The following HMCN1 variants were observed in gnomAD, a reference collection of about 807,000 sequenced individuals.
The protein encoded by HMCN1 is hemicentin-1.
HMCN1 carries 321 observed loss-of-function variants against 625.9 expected under a neutral mutation model. That is an observed-to-expected ratio of 0.51 (90% CI 0.47 to 0.56). The LOEUF is 0.56. Ranked by LOEUF, HMCN1 falls within the 20% of genes least tolerant of loss-of-function variation. HMCN1 has a pLI of 0.00. For synonymous variants in HMCN1, 2,425 were observed against 2,417.6 expected (o/e 1.00, Z -0.09); for missense variants, 6,588 against 6,887.3 (o/e 0.96, Z 1.54).
At chr1:186,113,864 GT>G (rs1558233282) in intron 72 of HMCN1, 114 bp from the exon 73 acceptor site, 2 of 1,137,436 alleles carry the variant, frequency 1.8e-6, no homozygotes, top group African/African-American at 3.1e-5. Flanking sequence ...CTAGATTCTT[GT>G]AGACAAAGCT....
At chr1:186,102,344 G>C (rs1180077099) in intron 68 of HMCN1, among the ~76,000 whole-genome samples, 1 of 152,106 alleles carries the variant, frequency 6.6e-6, no homozygotes, top group Non-Finnish European at 1.5e-5. Context: ...TCTTTCTCCA[G>C]AAGGAAAACA....
rs1571394689 is a variant in HMCN1, at chr1:186,130,392, T to A, written c.13040-115T>A. On this transcript the variant is annotated intron_variant, in intron 84 of 106. Transcript: ENST00000271588. Reference sequence around the variant, plus strand: ...GTTGATTCTGGAAATTTCATGAGTCTTTAAGGTGGCTTTACTCCCCTCTTT... The same window carrying A: ...GTTGATTCTGGAAATTTCATGAGTCATTAAGGTGGCTTTACTCCCCTCTTT... 12 of 1,095,350 alleles carry A rather than the reference T, an allele frequency of 1.1e-5. No individual in the cohort carries two copies. The East Asian group carries it at 3.0e-4, about 27-fold the overall frequency. The allele number at this position is 1,095,350 out of a possible 1,614,324, so 67.9% of individuals were successfully genotyped here. A position where few individuals can be genotyped will look rare whatever the true frequency, so the allele number is the denominator to read the frequency against.
chr1:185,938,820 A>G (rs977777843), intron 11 of HMCN1, among the ~76,000 whole-genome samples: 2 of 152,194 alleles, frequency 1.3e-5, no homozygotes, highest in Admixed American at 6.5e-5. Flanking sequence ...AATTTTCCCA[A>G]TGAATTCCTT....
chr1:186,130,377 G>T (rs1174156596), intron 84 of HMCN1, 130 bp from the exon 85 acceptor site: 2 of 987,894 alleles, frequency 2.0e-6, no homozygotes, highest in Admixed American at 2.2e-5. Context: ...GTTGATTCTG[G>T]AAATTTCATG....
intron 32 of HMCN1, among the ~76,000 whole-genome samples, chr1:186,016,512 A>G (rs1260965095): frequency 6.6e-6 from 1 of 152,074 alleles, no homozygotes; most frequent in Non-Finnish European, 1.5e-5. Context: ...TCTAATCGCA[A>G]TGAGCAACAA....
Position 186,166,308 on chromosome 1 carries a change from T to C in HMCN1, c.15439+5T>C, listed in dbSNP as rs1383686383. On this transcript the variant is annotated splice_donor_5th_base_variant and intron_variant, in intron 99 of 106. Transcript: ENST00000271588. ...CAGATGGAAGAACTTGTCAAGGTATTCACAAATCTAATACACACATTTAAG... is the reference window on the plus strand; with the variant it reads ...CAGATGGAAGAACTTGTCAAGGTATCCACAAATCTAATACACACATTTAAG... 4 of 1,613,952 alleles carry C rather than the reference T, an allele frequency of 2.5e-6. No individual in the cohort carries two copies. Among genetic ancestry groups the C allele is most frequent in the Non-Finnish European group, 3.4e-6 (4 of 1,179,992 alleles).
chr1:185,814,558 AT>A (rs2102253331), intron 1 of HMCN1, among the ~76,000 whole-genome samples: 1 of 152,208 alleles, frequency 6.6e-6, no homozygotes, highest in Non-Finnish European at 1.5e-5. Flanking sequence ...GTTTGGTGAT[AT>A]TTAGTCAGTT....
At chr1:186,160,576 C>G (rs372508797) in intron 97 of HMCN1, among the ~76,000 whole-genome samples, 4,743 of 150,840 alleles carry the variant, frequency 0.031, 109 homozygotes, top group South Asian at 0.061. Flanking sequence ...AAATTTCCCT[C>G]TACACACTGC....
At chr1:185,780,455 G>A (rs1218210315) in intron 1 of HMCN1, among the ~76,000 whole-genome samples, 1 of 152,098 alleles carries the variant, frequency 6.6e-6, no homozygotes, top group Non-Finnish European at 1.5e-5. Flanking sequence ...TCCAGTTTTT[G>A]CCCATTCAGT....
At position 186,119,813 on chromosome 1, in the gene HMCN1, T is replaced by C. The variant is rs755943844; in HGVS notation, c.12025T>C (p.Cys4009Arg). ...TCTGAACAATCCTATTTTATTACCA[T>C]GTGAAGCAACAGGGACACCCAGTCC... ...VILNNPILLP[C>R]EATGTPSPFI... is the part of the protein sequence containing the mutation. Residue 4009 changes from cysteine to arginine, a missense_variant, in exon 79 of 107, where the codon TGT becomes CGT. Cys to Arg is a radical substitution (Grantham distance 180). This residue lies in a region of HMCN1 where 4,628 missense variants were observed against 4,853.1 expected (regional missense o/e 0.95). Coordinates refer to ENST00000271588, the MANE Select transcript of HMCN1 (RefSeq NM_031935.3). The C allele has an allele frequency of 6.2e-7, 1 of 1,614,116 alleles. No homozygotes were observed. Among genetic ancestry groups the C allele is most frequent in the Non-Finnish European group, 8.5e-7 (1 of 1,179,972 alleles).
intron 57 of HMCN1, among the ~76,000 whole-genome samples, chr1:186,083,290 A>C (rs1271386764): frequency 6.6e-6 from 1 of 152,100 alleles, no homozygotes; most frequent in Non-Finnish European, 1.5e-5. Flanking sequence ...ACTCATAAAA[A>C]TCTATCCACT....
intron 103 of HMCN1, chr1:186,177,370 G>A: frequency 6.6e-6 from 1 of 151,808 alleles, no homozygotes; most frequent in East Asian, 1.9e-4. Flanking sequence ...TTCAGGCTGA[G>A]GAGAAGCCAG....
intron 11 of HMCN1, among the ~76,000 whole-genome samples, chr1:185,934,374 G>T (rs1485608711): frequency 6.6e-6 from 1 of 152,008 alleles, no homozygotes; most frequent in Non-Finnish European, 1.5e-5. Context: ...ACACGCGAGT[G>T]CCTGTTGAAA....
At chr1:185,924,215 CTTTTTTTTTTTT>C (rs58164381) in intron 8 of HMCN1, among the ~76,000 whole-genome samples, 62 of 43,648 alleles carry the variant, frequency 1.4e-3, no homozygotes, top group East Asian at 5.3e-3. Flanking sequence ...CTGACCCAAT[CTTTTTTTTTTTT>C]TTTTTTTTTT....
chr1:186,121,399 A>G (rs114867084), intron 80 of HMCN1, among the ~76,000 whole-genome samples: 1,649 of 152,304 alleles, frequency 0.011, 32 homozygotes, highest in African/African-American at 0.032. Flanking sequence ...TTATTGTCCA[A>G]GAGTGGAGAT....
intron 9 of HMCN1, among the ~76,000 whole-genome samples, chr1:185,927,911 C>A (rs1195592496): frequency 2.6e-5 from 4 of 151,902 alleles, no homozygotes; most frequent in African/African-American, 7.3e-5. Flanking sequence ...ATAATTTGAA[C>A]AGTGTTAGAG....
Position 186,178,160 on chromosome 1 carries a change from T to C in HMCN1, c.15944-256T>C, listed in dbSNP as rs192395593. ...TTGTTGTCTGAGCCACTTGCTTCAA[T>C]GTGAATGTTCAAATAAAATGTGTGG... On this transcript the variant is annotated intron_variant, in intron 103 of 106. Coordinates refer to ENST00000271588, the MANE Select transcript of HMCN1 (RefSeq NM_031935.3). 9.9e-5 allele frequency among the ~76,000 whole-genome samples: 15 copies of C among 152,274 alleles called. No homozygotes were observed. The East Asian group carries it at 2.9e-3, about 29-fold the overall frequency.
chr1:185,779,324 T>C (rs888520474), intron 1 of HMCN1, among the ~76,000 whole-genome samples: 3 of 152,250 alleles, frequency 2.0e-5, no homozygotes, highest in Non-Finnish European at 4.4e-5. Flanking sequence ...GTAGTTTCTT[T>C]TGCTGTGCAG....
chr1:185,939,982 G>A (rs1466571606), intron 11 of HMCN1, among the ~76,000 whole-genome samples: 1 of 152,012 alleles, frequency 6.6e-6, no homozygotes, highest in Non-Finnish European at 1.5e-5. Context: ...ATATTAAAAA[G>A]TTGAGCTCTA....
Sources: gnomAD v4.1 joint callset for allele counts (sites outside exome capture counted in the v4.1 genomes callset) on GRCh38, gnomAD v4.1.1 for gene constraint, gnomAD v4.1.1 regional missense constraint, MANE v1.5 for transcripts, NCBI Gene and HGNC (gene_info 2026-07-23, HGNC 2026-07-21) for gene names.